The following SEL1L3 variants were observed in gnomAD, a reference collection of about 807,000 sequenced individuals.
SEL1L3 encodes SEL1L family member 3, also known as protein sel-1 homolog 3.
Under a neutral mutation model 142.8 loss-of-function variants are expected in SEL1L3, and 76 were observed. That is an observed-to-expected ratio of 0.53 (90% CI 0.44 to 0.64). The LOEUF is 0.64. SEL1L3 is among the 30% of genes least tolerant of loss of function. The probability of loss-of-function intolerance (pLI) is 0.00; values close to 1 mark genes in which losing one functional copy is unlikely to be tolerated. For missense variants in SEL1L3, 1,262 were observed against 1,381.7 expected, an observed-to-expected ratio of 0.91 and a Z score of 1.37; for synonymous variants, 504 against 519.6, an observed-to-expected ratio of 0.97 and a Z score of 0.41.
At chr4:25,827,631 G>T (rs2109272893) in intron 6 of SEL1L3, among the ~76,000 whole-genome samples, 1 of 152,242 alleles carries the variant, frequency 6.6e-6, no homozygotes, top group South Asian at 2.1e-4. Flanking sequence ...GAGCTTTCTG[G>T]CACCCCCTTA....
chr4:25,727,896 T>C, the SEL1L3 span, among the ~76,000 whole-genome samples: 1 of 152,128 alleles, frequency 6.6e-6, no homozygotes, highest in Non-Finnish European at 1.5e-5. Context: ...CACAGCCCAC[T>C]AGTTAACACC....
intron 8 of SEL1L3, among the ~76,000 whole-genome samples, chr4:25,818,716 T>C (rs1714560215): frequency 1.3e-5 from 2 of 152,222 alleles, no homozygotes; most frequent in South Asian, 4.1e-4. Context: ...AGTACATAAG[T>C]TACCAAAGTC....
chr4:25,797,449 T>C (rs1712861890), intron 11 of SEL1L3, among the ~76,000 whole-genome samples: 1 of 152,156 alleles, frequency 6.6e-6, no homozygotes, highest in East Asian at 1.9e-4. Flanking sequence ...GCGTGTGTTT[T>C]CTTTGTAGAA....
At chr4:25,791,383 C>T (rs1159442248) in intron 11 of SEL1L3, among the ~76,000 whole-genome samples, 3 of 152,176 alleles carry the variant, frequency 2.0e-5, no homozygotes, top group Admixed American at 6.5e-5. Flanking sequence ...ACACAGCCTC[C>T]CAGGTATCTG....
chr4:25,742,436 A>G (rs1577540757), downstream of SEL1L3, among the ~76,000 whole-genome samples: 1 of 151,928 alleles, frequency 6.6e-6, no homozygotes, highest in Non-Finnish European at 1.5e-5. Flanking sequence ...TCTTGGTGCA[A>G]TCAGGTGCGT....
chr4:25,827,420 C>T (rs1359464559), intron 6 of SEL1L3, among the ~76,000 whole-genome samples: 2 of 152,152 alleles, frequency 1.3e-5, no homozygotes, highest in Admixed American at 6.5e-5. Flanking sequence ...TGAAGTTATG[C>T]TGCCACGAGC....
chr4:25,718,128 G>C, the SEL1L3 span: 37 of 152,128 alleles, frequency 2.4e-4, no homozygotes, highest in Non-Finnish European at 7.3e-5. Context: ...TAGGAAGATA[G>C]GCTCAAGATG....
chr4:25,822,664 G>T (rs762064542), intron 6 of SEL1L3, among the ~76,000 whole-genome samples: 3 of 152,218 alleles, frequency 2.0e-5, no homozygotes, highest in Non-Finnish European at 2.9e-5. Context: ...TTAGGAGGAG[G>T]AGGAGGCCAC....
At chr4:25,839,755 C>G (rs779848482) in intron 2 of SEL1L3, among the ~76,000 whole-genome samples, 1 of 152,126 alleles carries the variant, frequency 6.6e-6, no homozygotes, top group Non-Finnish European at 1.5e-5. Context: ...AACCTTTTCA[C>G]GCTATTTAAA....
chr4:25,752,052 T>G (rs1717628354), intron 23 of SEL1L3, among the ~76,000 whole-genome samples: 1 of 142,072 alleles, frequency 7.0e-6, no homozygotes, highest in Admixed American at 7.5e-5. Context: ...GAGGTTGCAG[T>G]GAGCCGAGAT....
At chr4:25,782,760 T>C (rs1475853962) in intron 14 of SEL1L3, among the ~76,000 whole-genome samples, 1 of 152,106 alleles carries the variant, frequency 6.6e-6, no homozygotes, top group Admixed American at 6.5e-5. Flanking sequence ...GCCCTTGAAA[T>C]TCATGAACGC....
At chr4:25,796,519 C>T (rs1409777701) in intron 11 of SEL1L3, among the ~76,000 whole-genome samples, 1 of 151,820 alleles carries the variant, frequency 6.6e-6, no homozygotes, top group Non-Finnish European at 1.5e-5. Context: ...GTAAGTGTGG[C>T]CAGGTGCTCA....
At chr4:25,753,984 CATAA>C (rs35245204) in intron 23 of SEL1L3, among the ~76,000 whole-genome samples, 76,761 of 143,268 alleles carry the variant, frequency 0.54, 20,564 homozygotes, top group East Asian at 0.59. Flanking sequence ...TCCGTCTCAA[CATAA>C]ATAAATAAAT....
At chr4:25,807,498 T>TATTC (rs895713082) in intron 9 of SEL1L3, among the ~76,000 whole-genome samples, 65 of 152,222 alleles carry the variant, frequency 4.3e-4, no homozygotes, top group African/African-American at 1.3e-3. Context: ...TACTGCCACT[T>TATTC]ATTCATGTGT....
intron 6 of SEL1L3, among the ~76,000 whole-genome samples, chr4:25,824,718 CA>C (rs1714983585): frequency 6.6e-6 from 1 of 152,130 alleles, no homozygotes; most frequent in Non-Finnish European, 1.5e-5. Flanking sequence ...CACTTGAGCC[CA>C]AACAGTTAAT....
At position 25,757,568 on chromosome 4, in the gene SEL1L3, G is replaced by T. The variant is rs550943216; in HGVS notation, c.3225C>A (p.Ile1075=). 14 of 1,550,494 alleles carry T rather than the reference G, an allele frequency of 9.0e-6. No homozygotes were observed. The Admixed American group carries it at 1.8e-4, about 20-fold the overall frequency. Residue 1075 remains isoleucine (I), a synonymous_variant, in exon 23 of 24, where the codon ATC becomes ATA. Transcript: ENST00000399878. ...ACTGGAAATACTGCACAGTCCAGGCGATCAATATGGATAGCAGAAAGGTTC... is the reference window on the plus strand; with the variant it reads ...ACTGGAAATACTGCACAGTCCAGGCTATCAATATGGATAGCAGAAAGGTTC... ...FLGTFLLSIL[I]AWTVQYFQSV...
the SEL1L3 span, chr4:25,720,736 A>C: frequency 7.4e-4 from 113 of 152,356 alleles, no homozygotes; most frequent in Middle Eastern, 6.8e-3. Flanking sequence ...GCGATAGTAA[A>C]GGGGGCCTTG....
intron 2 of SEL1L3, among the ~76,000 whole-genome samples, chr4:25,838,236 C>T (rs1715956675): frequency 6.6e-6 from 1 of 152,122 alleles, no homozygotes; most frequent in Non-Finnish European, 1.5e-5. Flanking sequence ...GCTTATTTTG[C>T]ATGAAGAGCT....
Position 25,830,173 on chromosome 4 carries a change from A to C in SEL1L3, c.1099-17T>G. ...TACTACTATCTATGATGGGAGGGATACACAAGAATCAGTTATGCCTCATCA... is the reference window on the plus strand; with the variant it reads ...TACTACTATCTATGATGGGAGGGATCCACAAGAATCAGTTATGCCTCATCA... On this transcript the variant is annotated splice_polypyrimidine_tract_variant and intron_variant, in intron 5 of 23. Transcript: ENST00000399878. 6.4e-7 allele frequency: 1 copy of C among 1,564,660 alleles called. No homozygotes were observed. Among genetic ancestry groups the C allele is most frequent in the Non-Finnish European group, 8.8e-7 (1 of 1,135,740 alleles).
Sources: gnomAD v4.1 joint callset for allele counts (sites outside exome capture counted in the v4.1 genomes callset) on GRCh38, gnomAD v4.1.1 for gene constraint, MANE v1.5 for transcripts, NCBI Gene and HGNC (gene_info 2026-07-23, HGNC 2026-07-21) for gene names.